The following MKKS variants were observed in gnomAD, a reference collection of about 807,000 sequenced individuals.
MKKS encodes molecular chaperone MKKS.
MKKS carries 29 observed loss-of-function variants against 33.2 expected under a neutral mutation model. The observed-to-expected ratio is 0.87, with a 90% CI of 0.65 to 1.19. The LOEUF (loss-of-function observed/expected upper bound fraction) is 1.19. Ranked by LOEUF, MKKS falls within the 50% of genes most tolerant of loss-of-function variation. The pLI, the probability that MKKS is intolerant of heterozygous loss-of-function variation, is 0.00. For missense variants in MKKS, 661 were observed against 662.3 expected, an observed-to-expected ratio of 1.00 and a Z score of 0.02; for synonymous variants, 260 against 244.0, an observed-to-expected ratio of 1.07 and a Z score of -0.61.
chr20:10,405,534 G>A lies in MKKS; in HGVS notation c.1426C>T (p.His476Tyr). ...GEILTDMKYG[H>Y]LWSVQADSPC... Reference sequence around the variant, plus strand: ...GAATCTGCCTGAACTGACCAAAGGTGTCCATACTTCATGTCAGTGAGAATT... The same window carrying A: ...GAATCTGCCTGAACTGACCAAAGGTATCCATACTTCATGTCAGTGAGAATT... The change falls in exon 6 of 6, where the codon CAC (histidine) becomes TAC (tyrosine). Residue 476 changes from histidine (H) to tyrosine (Y), a missense_variant. By Grantham distance (83) the His-to-Tyr change is moderately conservative. Transcript: ENST00000347364. The A allele has an allele frequency of 6.2e-7, 1 of 1,614,188 alleles. No individual in the cohort carries two copies. Among genetic ancestry groups the A allele is most frequent in the Non-Finnish European group, 8.5e-7 (1 of 1,180,028 alleles).
intron 3 of MKKS, among the ~76,000 whole-genome samples, chr20:10,412,208 G>A (rs1262978191): frequency 6.6e-6 from 1 of 152,150 alleles, no homozygotes; most frequent in Non-Finnish European, 1.5e-5. Context: ...TGTCAATTGA[G>A]GCTGAAGAAT....
chr20:10,422,184 C>A (rs1045019645), intron 1 of MKKS, among the ~76,000 whole-genome samples: 1 of 152,100 alleles, frequency 6.6e-6, no homozygotes, highest in African/African-American at 2.4e-5. Context: ...TAAATCATTT[C>A]TCCCAAAGGT....
chr20:10,413,484 A>C lies in MKKS; in HGVS notation c.31T>G (p.Leu11Val). MSRLEAKKPS[L>V]CKSEPLTTER... The stretch of plus-strand genomic sequence containing the variant: ...GTTGTCAGTGGTTCACTCTTACACA[A>C]TGATGGCTTCTTAGCTTCCAAACGA... The change falls in exon 3 of 6, where the codon TTG becomes GTG. Residue 11 changes from leucine to valine, a missense_variant. Leu to Val is a conservative substitution (Grantham distance 32, BLOSUM62 1). Coordinates refer to ENST00000347364, the MANE Select transcript of MKKS (RefSeq NM_170784.3). 1 of 1,614,214 alleles carries C rather than the reference A, an allele frequency of 6.2e-7. No homozygotes were observed. Among genetic ancestry groups the C allele is most frequent in the Non-Finnish European group, 8.5e-7 (1 of 1,180,014 alleles).
intron 1 of MKKS, among the ~76,000 whole-genome samples, chr20:10,432,162 A>G (rs1328433501): frequency 1.3e-5 from 2 of 152,228 alleles, no homozygotes; most frequent in Non-Finnish European, 2.9e-5. Flanking sequence ...CAAGGGGTAT[A>G]AAAGCCTGGC....
intron 5 of MKKS, 116 bp from the exon 6 acceptor site, chr20:10,405,803 T>A: frequency 9.4e-7 from 1 of 1,063,220 alleles, no homozygotes; most frequent in Non-Finnish European, 1.4e-6. Context: ...TACTTTCATT[T>A]AATTTGGGGT....
At chr20:10,420,937 A>G (rs1243820867) in intron 1 of MKKS, among the ~76,000 whole-genome samples, 179 bp from the exon 2 acceptor site, 1 of 152,196 alleles carries the variant, frequency 6.6e-6, no homozygotes, top group Non-Finnish European at 1.5e-5. Flanking sequence ...ATTGACCCAA[A>G]GGGAGCAGGC....
At chr20:10,412,441 T>C (rs969380590) in intron 3 of MKKS, 89 bp downstream of exon 3, 5 of 1,309,994 alleles carry the variant, frequency 3.8e-6, no homozygotes, top group African/African-American at 2.9e-5. Context: ...TTTTTCAAGA[T>C]GTTAACAGTG....
At chr20:10,422,416 A>G (rs1307446449) in intron 1 of MKKS, among the ~76,000 whole-genome samples, 2 of 152,184 alleles carry the variant, frequency 1.3e-5, no homozygotes, top group African/African-American at 4.8e-5. Context: ...ATCATAATTA[A>G]ATTTCATTGT....
Position 10,402,330 on chromosome 20 carries a change from T to C in MKKS, c.*2917A>G, listed in dbSNP as rs572411515. 6.6e-6 allele frequency: 1 copy of C among 152,344 alleles called. No individual in the cohort carries two copies. The highest frequency in any genetic ancestry group is 2.1e-4 in the South Asian group (1 of 4,826). The allele number at this position is 152,344 out of a possible 1,614,324, so 9.4% of individuals were successfully genotyped here. A position where few individuals can be genotyped will look rare whatever the true frequency, so the allele number is the denominator to read the frequency against. On this transcript the variant is annotated 3_prime_UTR_variant, in exon 6 of 6. Transcript: ENST00000347364. Reference sequence around the variant, plus strand: ...CAAAAGGAACTCCTCTAAAATTATTTTCATCAAGAATTTTCATTTCATGTT... The same window carrying C: ...CAAAAGGAACTCCTCTAAAATTATTCTCATCAAGAATTTTCATTTCATGTT...
intron 1 of MKKS, among the ~76,000 whole-genome samples, chr20:10,428,995 C>G (rs939220727): frequency 6.6e-6 from 1 of 152,154 alleles, no homozygotes; most frequent in Admixed American, 6.5e-5. Context: ...CTCTTAAGGG[C>G]CTTTCTCTTT....
At chr20:10,407,059 C>A (rs986029888) in intron 5 of MKKS, among the ~76,000 whole-genome samples, 2 of 152,146 alleles carry the variant, frequency 1.3e-5, no homozygotes, top group Admixed American at 6.5e-5. Context: ...CTAGACCAAT[C>A]AAAAAATTCT....
At chr20:10,410,651 G>A (rs1284907571) in intron 3 of MKKS, among the ~76,000 whole-genome samples, 2 of 152,070 alleles carry the variant, frequency 1.3e-5, no homozygotes, top group East Asian at 1.9e-4. Flanking sequence ...ACCTCTGTAA[G>A]CTGCAATATG....
intron 3 of MKKS, among the ~76,000 whole-genome samples, chr20:10,409,323 C>T (rs1456409986): frequency 6.6e-6 from 1 of 152,114 alleles, no homozygotes; most frequent in Non-Finnish European, 1.5e-5. Context: ...TGTCTGGCAA[C>T]TATTTATAAA....
In MKKS at chr20:10,412,593, G is replaced by C; in HGVS notation, c.922C>G (p.His308Asp). 1.9e-6 allele frequency: 3 copies of C among 1,613,932 alleles called. No homozygotes were observed. The highest frequency in any genetic ancestry group is 2.5e-6 in the Non-Finnish European group (3 of 1,179,832). ...ATTCTGTCTATGGCAATAATACGAT[G>C]CATATTGAGAAACTGCTTCAAAGAT... ...HPSLKQFLNM[H>D]RIIAIDRIGV... Residue 308 changes from histidine to aspartate, a missense_variant, in exon 3 of 6, where the codon CAT becomes GAT. Physicochemically the swap from His to Asp is moderately conservative, Grantham distance 81 (BLOSUM62 -1). Coordinates refer to ENST00000347364, the MANE Select transcript of MKKS (RefSeq NM_170784.3).
chr20:10,413,989 G>A (rs1039487676), intron 2 of MKKS, 58 bp from the exon 3 acceptor site: 1 of 397,208 alleles, frequency 2.5e-6, no homozygotes, highest in Non-Finnish European at 4.4e-6. Flanking sequence ...TTTGTAGACT[G>A]CAGTTTAATA....
chr20:10,431,006 T>C (rs2065050471), intron 1 of MKKS, among the ~76,000 whole-genome samples: 2 of 152,166 alleles, frequency 1.3e-5, no homozygotes, highest in Admixed American at 1.3e-4. Context: ...AAATTACTTC[T>C]CTCCTGCCTC....
intron 1 of MKKS, among the ~76,000 whole-genome samples, chr20:10,428,058 G>A (rs940594111): frequency 1.2e-4 from 18 of 152,200 alleles, no homozygotes; most frequent in African/African-American, 4.3e-4. Context: ...AAAATATACT[G>A]AAAGCATCAT....
In MKKS at chr20:10,413,526, T is replaced by C; in HGVS notation, c.-12A>G. 1 of 1,614,106 alleles carries C rather than the reference T, an allele frequency of 6.2e-7. No homozygotes were observed. Among genetic ancestry groups the C allele is most frequent in the Non-Finnish European group, 8.5e-7 (1 of 1,179,982 alleles). ...TCCAAACGAGACATCTTACTTCAGG[T>C]GGTAACTAGTGAAGACCGTTTTTAT... is the stretch of plus-strand genomic sequence containing the variant. On this transcript the variant is annotated 5_prime_UTR_variant, in exon 3 of 6. Coordinates refer to ENST00000347364, the MANE Select transcript of MKKS (RefSeq NM_170784.3).
intron 3 of MKKS, 94 bp downstream of exon 3, chr20:10,412,436 C>T: frequency 7.9e-7 from 1 of 1,269,858 alleles, no homozygotes; most frequent in Non-Finnish European, 1.1e-6. Flanking sequence ...GTCAATTTTT[C>T]AAGATGTTAA....
Sources: allele counts gnomAD v4.1 joint callset (sites outside exome capture counted in the v4.1 genomes callset), GRCh38; gene constraint gnomAD v4.1.1; transcripts MANE v1.5; gene names NCBI Gene and HGNC (gene_info 2026-07-23, HGNC 2026-07-21).